The following ELP2 variants were observed in gnomAD, a reference collection of about 807,000 sequenced individuals.
ELP2 encodes the protein elongator complex protein 2.
ELP2 carries 90 observed loss-of-function variants against 119.2 expected under a neutral mutation model. That is an observed-to-expected ratio of 0.75 (90% CI 0.64 to 0.90). ELP2 has a LOEUF of 0.90. Ranked by LOEUF, ELP2 falls within the 40% of genes least tolerant of loss-of-function variation. The pLI is 0.00. For missense variants in ELP2, 921 were observed against 967.8 expected (o/e 0.95, Z 0.64); for synonymous variants, 339 against 331.0 (o/e 1.02, Z -0.26).
At chr18:36,173,342 C>T (rs1196097266) in intron 21 of ELP2, among the ~76,000 whole-genome samples, 2 of 152,180 alleles carry the variant, frequency 1.3e-5, no homozygotes, top group Admixed American at 6.5e-5. Flanking sequence ...AATTATAATG[C>T]CTTTTATAAT....
intron 1 of ELP2, 91 bp from the exon 2 acceptor site, chr18:36,133,147 G>T: frequency 1.2e-6 from 1 of 856,040 alleles, no homozygotes; most frequent in Non-Finnish European, 1.9e-6. Flanking sequence ...CTTTTTACTA[G>T]CATCGAAAAC....
At chr18:36,149,491 T>TTTTG (rs1555639995) in intron 11 of ELP2, among the ~76,000 whole-genome samples, 1 of 146,806 alleles carries the variant, frequency 6.8e-6, no homozygotes, top group Non-Finnish European at 1.5e-5. Context: ...TTGTTTTGTT[T>TTTTG]TTTTTTTTTT....
intron 1 of ELP2, among the ~76,000 whole-genome samples, chr18:36,130,912 A>C (rs2089593624): frequency 6.6e-6 from 1 of 152,194 alleles, no homozygotes; most frequent in African/African-American, 2.4e-5. Flanking sequence ...TCATGTCTGT[A>C]ATCCCGGCAC....
rs749552137 is a variant in ELP2, at chr18:36,159,981, C to T, written c.1654C>T (p.Leu552=). 1.2e-6 allele frequency: 2 copies of T among 1,614,106 alleles called. No individual in the cohort carries two copies. The highest frequency in any genetic ancestry group is 3.3e-4 in the Middle Eastern group (2 of 6,026). ...LTEPPTEDHL[L]QNTLWPEVQK... is the part of the protein sequence containing the mutation. The stretch of plus-strand genomic sequence containing the variant: ...AGAGCCTCCCACTGAGGATCATCTT[C>T]TGCAGAATACTTTGTGGCCTGAAGT... The change falls in exon 16 of 22, where the codon CTG becomes TTG. Residue 552 remains leucine (L), a synonymous_variant. Transcript: ENST00000358232.
At chr18:36,155,122 C>T (rs149400519) in intron 12 of ELP2, 123 bp downstream of exon 12, 51,082 of 761,086 alleles carry the variant, frequency 0.067, 2,141 homozygotes, top group East Asian at 0.15. Context: ...AAGCGATTCT[C>T]CTGTCTCAGC....
chr18:36,153,332 A>G (rs991663447), intron 11 of ELP2, among the ~76,000 whole-genome samples: 2 of 152,154 alleles, frequency 1.3e-5, no homozygotes, highest in African/African-American at 2.4e-5. Context: ...AAGATTCCTC[A>G]TTCCCCACCC....
chr18:36,168,677 G>A (rs556071568), intron 19 of ELP2, among the ~76,000 whole-genome samples: 2 of 152,168 alleles, frequency 1.3e-5, no homozygotes, highest in African/African-American at 4.8e-5. Context: ...GGGATTATGG[G>A]AACTACAATT....
intron 8 of ELP2, 151 bp downstream of exon 8, chr18:36,143,117 A>G: frequency 1.7e-6 from 1 of 584,058 alleles, no homozygotes. Flanking sequence ...TTTTTTTGAG[A>G]CAGAGTTTTG....
At chr18:36,143,933 A>G (rs761912005) in intron 8 of ELP2, among the ~76,000 whole-genome samples, 1 of 152,194 alleles carries the variant, frequency 6.6e-6, no homozygotes, top group Non-Finnish European at 1.5e-5. Flanking sequence ...GACAAGCTAA[A>G]TCTCACCATT....
chr18:36,141,092 G>C (rs1323664719), intron 5 of ELP2, 45 bp from the exon 6 acceptor site: 1 of 1,472,386 alleles, frequency 6.8e-7, no homozygotes, highest in East Asian at 2.3e-5. Context: ...TCATAACGTG[G>C]TGGAATAGAG....
chr18:36,167,722 C>T (rs1259425564), intron 19 of ELP2, among the ~76,000 whole-genome samples: 3 of 147,062 alleles, frequency 2.0e-5, no homozygotes, highest in African/African-American at 5.0e-5. Context: ...GACAGGGTCT[C>T]GGGTGCAGTG....
At chr18:36,136,110 A>G (rs1266812848) in intron 2 of ELP2, among the ~76,000 whole-genome samples, 197 bp from the exon 3 acceptor site, 1 of 152,140 alleles carries the variant, frequency 6.6e-6, no homozygotes, top group Admixed American at 6.6e-5. Flanking sequence ...CTTATTTTTA[A>G]GTAGTTTGCC....
chr18:36,139,228 T>C (rs1785933), intron 5 of ELP2, among the ~76,000 whole-genome samples: 47,238 of 152,182 alleles, frequency 0.31, 7,821 homozygotes, highest in Middle Eastern at 0.42. Flanking sequence ...TGAATGAAGA[T>C]GGCATATGAG....
intron 13 of ELP2, among the ~76,000 whole-genome samples, chr18:36,157,445 TGTG>T (rs2090607259): frequency 6.6e-6 from 1 of 152,154 alleles, no homozygotes; most frequent in Non-Finnish European, 1.5e-5. Flanking sequence ...CCAGAGCTAT[TGTG>T]GTACCTGTTG....
rs751390632 is a variant in ELP2 at position 36,179,475 on chromosome 18, C to CAAAAAAAAA, written c.*4852_*4860dup. 1 of 48,360 alleles carries CAAAAAAAAA rather than the reference C, an allele frequency of 2.1e-5. No homozygotes were observed. Among genetic ancestry groups the CAAAAAAAAA allele is most frequent in the African/African-American group, 8.9e-5 (1 of 11,254 alleles). The allele number at this position is 48,360 out of a possible 1,614,324, so 3.0% of individuals were successfully genotyped here. ...TGGGCAACAGAGTGAGACTCCATCT[C>CAAAAAAAAA]AAAAAAAAAAAAAAAAAAAAAAAAA... On this transcript the variant is annotated 3_prime_UTR_variant, in exon 22 of 22. Transcript: ENST00000358232.
Position 36,167,084 on chromosome 18 carries a change from A to T in ELP2, c.1955-17A>T. 6.3e-7 allele frequency: 1 copy of T among 1,595,196 alleles called. No homozygotes were observed. The highest frequency in any genetic ancestry group is 1.3e-5 in the African/African-American group (1 of 74,530). On this transcript the variant is annotated splice_polypyrimidine_tract_variant and intron_variant, in intron 18 of 21. Transcript: ENST00000358232. ...GCTTTCTCTGCTTTGTGAATAGTGT[A>T]TACATATTTCTTTCAGAGCCAGTTT...
In ELP2 at chr18:36,156,484, G is replaced by A; in HGVS notation, c.1294G>A (p.Ala432Thr). Reference protein sequence around the residue: ...DQSQVTWHEIARPQIHGYDLK... With the variant: ...DQSQVTWHEITRPQIHGYDLK... ...TACCCAGGTGACTTGGCATGAAATTGCAAGGCCTCAGATACATGGGTATGA... is the reference window on the plus strand; with the variant it reads ...TACCCAGGTGACTTGGCATGAAATTACAAGGCCTCAGATACATGGGTATGA... The change falls in exon 13 of 22, where the codon GCA becomes ACA. Residue 432 changes from alanine (A) to threonine (T), a missense_variant. Transcript: ENST00000358232. 6.2e-7 allele frequency: 1 copy of A among 1,614,070 alleles called. No homozygotes were observed. The highest frequency in any genetic ancestry group is 1.1e-5 in the South Asian group (1 of 91,070).
rs2090832614 is a variant in ELP2, at chr18:36,164,472, T to C, written c.1762-3T>C. 6.2e-7 allele frequency: 1 copy of C among 1,613,432 alleles called. No homozygotes were observed. The highest frequency in any genetic ancestry group is 1.1e-5 in the South Asian group (1 of 91,076). On this transcript the variant is annotated splice_polypyrimidine_tract_variant and splice_region_variant and intron_variant, in intron 17 of 21. Transcript: ENST00000358232. ...GCTTCATTGTTTCATCTCTGTCCTA[T>C]AGGCAGCTAAGAAAGAGCATGCAGC... is the stretch of plus-strand genomic sequence containing the variant.
At chr18:36,141,522 G>A (rs2090029003) in intron 6 of ELP2, 2 of 321,374 alleles carry the variant, frequency 6.2e-6, no homozygotes, top group Admixed American at 4.3e-5. Context: ...AGCATTCCTA[G>A]TAGTGTTTAT....
Sources: gnomAD v4.1 joint callset for allele counts (sites outside exome capture counted in the v4.1 genomes callset) on GRCh38, gnomAD v4.1.1 for gene constraint, MANE v1.5 for transcripts, NCBI Gene and HGNC (gene_info 2026-07-23, HGNC 2026-07-21) for gene names.